Variants in CCDC138 observed in about 807,000 individuals in gnomAD.
CCDC138 encodes the protein coiled-coil domain-containing protein 138.
In CCDC138, 66 loss-of-function variants were observed where a neutral mutation model predicts 82.3. The observed-to-expected ratio is 0.80, with a 90% confidence interval of 0.66 to 0.98. The LOEUF (loss-of-function observed/expected upper bound fraction) is 0.98. CCDC138 is among the 50% of genes least tolerant of loss of function. The pLI is 0.00. For missense variants in CCDC138, 816 were observed against 758.9 expected (o/e 1.08, Z -0.88); for synonymous variants, 297 against 265.4 (o/e 1.12, Z -1.16).
In CCDC138 at chr2:108,853,901, T is replaced by A. The variant is rs1405304033; in HGVS notation, c.1517-2893T>A. 1.5e-4 allele frequency among the ~76,000 whole-genome samples: 18 copies of A among 118,618 alleles called. No homozygotes were observed. The South Asian group carries it at 2.0e-3, about 13-fold the overall frequency. The allele number at this position is 118,618 out of a possible 152,430, so 77.8% of individuals were successfully genotyped here. A position where few individuals can be genotyped will look rare whatever the true frequency, so the allele number is the denominator to read the frequency against. On this transcript the variant is annotated intron_variant, in intron 12 of 14. Transcript: ENST00000295124. ...ATAATATATTATATAGTATATATAT[T>A]ATATATTATATAGTATATATATTAT...
intron 11 of CCDC138, among the ~76,000 whole-genome samples, chr2:108,844,748 A>ATTT (rs558837577): frequency 5.9e-4 from 80 of 136,742 alleles, no homozygotes; most frequent in African/African-American, 2.1e-3. Flanking sequence ...TACTATCCAC[A>ATTT]TTTTTTTTTT....
intron 9 of CCDC138, among the ~76,000 whole-genome samples, chr2:108,815,005 T>G (rs577921390): frequency 6.6e-6 from 1 of 152,158 alleles, no homozygotes; most frequent in Admixed American, 6.6e-5. Context: ...TGGTATCTTA[T>G]TAAAAAAAAT....
At chr2:108,856,194 T>C (rs1265568019) in intron 12 of CCDC138, among the ~76,000 whole-genome samples, 1 of 152,220 alleles carries the variant, frequency 6.6e-6, no homozygotes, top group East Asian at 1.9e-4. Flanking sequence ...TCAGGGTTTC[T>C]GATTCAGGAG....
chr2:108,833,829 G>A (rs992429035), intron 10 of CCDC138, among the ~76,000 whole-genome samples: 19 of 145,626 alleles, frequency 1.3e-4, no homozygotes, highest in Admixed American at 5.6e-4. Context: ...CAAGGTTCAC[G>A]CCATTCTCCT....
chr2:108,841,667 G>A (rs555079902), intron 11 of CCDC138, among the ~76,000 whole-genome samples: 1 of 152,016 alleles, frequency 6.6e-6, no homozygotes, highest in South Asian at 2.1e-4. Context: ...GCATACAGCT[G>A]CATTTAGAAA....
rs1283393663 is a variant in CCDC138, at chr2:108,873,708, G to C, written c.1832+119G>C. On this transcript the variant is annotated intron_variant, in intron 14 of 14. Coordinates refer to ENST00000295124, the MANE Select transcript of CCDC138 (RefSeq NM_144978.3). ...ACACTGGATGAAGAAGAATTGCCTT[G>C]TGCCACACATAAAATACGCTAACAC... The C allele has an allele frequency of 4.8e-6, 3 of 619,660 alleles. No individual in the cohort carries two copies. In the Admixed American group the frequency reaches 9.4e-5, roughly 20 times the overall value. 38.4% of individuals were successfully genotyped at this position (619,660 alleles called of 1,614,324 possible).
At chr2:108,853,980 T>TACA (rs1188550952) in intron 12 of CCDC138, among the ~76,000 whole-genome samples, 1 of 12,196 alleles carries the variant, frequency 8.2e-5, no homozygotes, top group African/African-American at 1.4e-4. Context: ...ATATATAATA[T>TACA]ATAATATATA....
At chr2:108,872,745 A>G (rs1695476867) in intron 13 of CCDC138, among the ~76,000 whole-genome samples, 1 of 152,160 alleles carries the variant, frequency 6.6e-6, no homozygotes, top group Non-Finnish European at 1.5e-5. Flanking sequence ...CCCACTCTTA[A>G]TACTATTACA....
At chr2:108,847,397 G>GC (rs1293731515) in intron 12 of CCDC138, among the ~76,000 whole-genome samples, 10 of 152,040 alleles carry the variant, frequency 6.6e-5, no homozygotes. Flanking sequence ...AGACTGTATG[G>GC]CCCCCCAAAG....
rs773659851 is a variant in CCDC138, at chr2:108,846,910, T to C, written c.1496T>C (p.Val499Ala). ...LPLRFLSTLI[V>A]LKTVTQADYL... ...TTGAGATTTTTATCAACCTTAATTG[T>C]TCTCAAAACAGTCACTCAAGGTAAG... Residue 499 changes from valine (V) to alanine (A), a missense_variant, in exon 12 of 15, where the codon GTT (valine) becomes GCT (alanine). Transcript: ENST00000295124. 3.7e-6 allele frequency: 6 copies of C among 1,603,840 alleles called. No individual in the cohort carries two copies. The Admixed American group carries it at 1.0e-4, about 27-fold the overall frequency.
rs769941478 is a variant in CCDC138 at position 108,798,520 on chromosome 2, A to G, written c.669A>G (p.Glu223=). The G allele has an allele frequency of 6.2e-7, 1 of 1,613,854 alleles. No homozygotes were observed. Among genetic ancestry groups the G allele is most frequent in the Non-Finnish European group, 8.5e-7 (1 of 1,179,944 alleles). The change falls in exon 6 of 15, where the codon GAA becomes GAG. Residue 223 remains glutamate, a synonymous_variant. Transcript: ENST00000295124. ...GAGAACAACTGCTTTTCAGACATGA[A>G]AATGCCTTGAGTAAAATTAAAGGTG... The part of the protein sequence containing the change: ...LEREQLLFRH[E]NALSKIKGVE...
intron 10 of CCDC138, among the ~76,000 whole-genome samples, chr2:108,821,287 G>A (rs1685653034): frequency 1.3e-5 from 2 of 152,160 alleles, no homozygotes. Flanking sequence ...GAACCTGGGA[G>A]GCAGAGGTTG....
At position 108,871,219 on chromosome 2, in the gene CCDC138, A is replaced by G. The variant is rs943230953; in HGVS notation, c.1694-2232A>G. ...TTCAACAGGAAAAATAAAATGGATT[A>G]GAGTCATAAATTTTTAAAATTATAA... is the stretch of plus-strand genomic sequence containing the variant. On this transcript the variant is annotated intron_variant, in intron 13 of 14. Transcript: ENST00000295124. Among the ~76,000 whole-genome samples, 92 of 152,126 alleles carry G rather than the reference A, an allele frequency of 6.0e-4. 1 individual carries two copies. Among genetic ancestry groups the G allele is most frequent in the African/African-American group, 2.1e-3 (89 of 41,536 alleles).
In CCDC138 at chr2:108,846,803, A is replaced by T; in HGVS notation, c.1389A>T (p.Lys463Asn). ...GEDIFKGVVTKGIQDNSPQHS... is the reference protein window; with the variant it reads ...GEDIFKGVVTNGIQDNSPQHS... ...ACATTTTTAAAGGAGTGGTAACTAA[A>T]GGAATTCAGGATAATTCTCCACAGC... The change falls in exon 12 of 15, where the codon AAA becomes AAT. Residue 463 changes from lysine to asparagine, a missense_variant. By Grantham distance (94) the Lys-to-Asn change is moderately conservative (BLOSUM62 0). Coordinates refer to ENST00000295124, the MANE Select transcript of CCDC138 (RefSeq NM_144978.3). 3 of 1,612,536 alleles carry T rather than the reference A, an allele frequency of 1.9e-6. No homozygotes were observed. The highest frequency in any genetic ancestry group is 2.5e-6 in the Non-Finnish European group (3 of 1,178,688).
intron 9 of CCDC138, among the ~76,000 whole-genome samples, chr2:108,815,027 A>G (rs1684521661): frequency 6.6e-6 from 1 of 152,216 alleles, no homozygotes; most frequent in Admixed American, 6.5e-5. Context: ...GAATTAAATT[A>G]GAAATGTGTT....
At position 108,797,956 on chromosome 2, in the gene CCDC138, T is replaced by A. The variant is rs1309489466; in HGVS notation, c.577-472T>A. On this transcript the variant is annotated intron_variant, in intron 5 of 14. Coordinates refer to ENST00000295124, the MANE Select transcript of CCDC138 (RefSeq NM_144978.3). ...TTCGCAATGGGGCCACTTTTCACGGTGTGTGATTTTTTTTTTTTTTTTCTC... is the reference window on the plus strand; with the variant it reads ...TTCGCAATGGGGCCACTTTTCACGGAGTGTGATTTTTTTTTTTTTTTTCTC... Among the ~76,000 whole-genome samples the A allele has an allele frequency of 2.8e-5, 3 of 107,262 alleles. No homozygotes were observed. In the Admixed American group the frequency reaches 3.8e-4, roughly 13 times the overall value. 70.4% of individuals were successfully genotyped at this position (107,262 alleles called of 152,430 possible).
At chr2:108,829,969 A>AC (rs1290952393) in intron 10 of CCDC138, among the ~76,000 whole-genome samples, 1 of 151,818 alleles carries the variant, frequency 6.6e-6, no homozygotes, top group Admixed American at 6.6e-5. Context: ...ATATTTAAAC[A>AC]CCAAGTTTAT....
intron 13 of CCDC138, among the ~76,000 whole-genome samples, chr2:108,862,670 T>G (rs1693823062): frequency 6.6e-6 from 1 of 152,234 alleles, no homozygotes. Flanking sequence ...ATGGTAAAGA[T>G]ATATAATTTT....
At chr2:108,858,786 A>G (rs576880685) in intron 13 of CCDC138, among the ~76,000 whole-genome samples, 4 of 152,008 alleles carry the variant, frequency 2.6e-5, no homozygotes, top group African/African-American at 9.6e-5. Context: ...TTGGGCTTCA[A>G]CTGAACTCGT....
Sources: gnomAD v4.1 joint callset for allele counts (sites outside exome capture counted in the v4.1 genomes callset) on GRCh38, gnomAD v4.1.1 for gene constraint, MANE v1.5 for transcripts, NCBI Gene and HGNC (gene_info 2026-07-23, HGNC 2026-07-21) for gene names.